The following FRYL variants were observed in gnomAD, a reference collection of about 807,000 sequenced individuals.
FRYL encodes the protein protein furry homolog-like.
A neutral mutation model predicts 351.2 loss-of-function variants in FRYL; 150 were observed. The ratio of observed to expected loss-of-function variants is 0.43; its 90% CI spans 0.37 to 0.49. FRYL has a LOEUF of 0.49. Ranked by LOEUF, FRYL falls within the 20% of genes least tolerant of loss-of-function variation. FRYL has a pLI of 0.00. For missense variants in FRYL, 3,036 were observed against 3,619.3 expected, an observed-to-expected ratio of 0.84 and a Z score of 4.13; for synonymous variants, 1,153 against 1,257.1, an observed-to-expected ratio of 0.92 and a Z score of 1.75.
chr4:48,684,319 A>C (rs913444678), intron 3 of FRYL, among the ~76,000 whole-genome samples: 4 of 152,218 alleles, frequency 2.6e-5, no homozygotes, highest in African/African-American at 9.7e-5. Context: ...TTAAGCCTGC[A>C]CTGCAGTTCA....
intron 12 of FRYL, among the ~76,000 whole-genome samples, chr4:48,602,395 T>C (rs1290657246): frequency 6.6e-6 from 1 of 152,154 alleles, no homozygotes; most frequent in African/African-American, 2.4e-5. Flanking sequence ...ATCCATTTTG[T>C]GGTTATGACT....
chr4:48,704,852 G>A (rs192067240), intron 2 of FRYL, among the ~76,000 whole-genome samples: 71 of 152,230 alleles, frequency 4.7e-4, no homozygotes, highest in African/African-American at 1.5e-3. Context: ...AGGAGGCTGA[G>A]GCAGGAGAAT....
chr4:48,583,297 G>A lies in FRYL; in HGVS notation c.1749-563C>T, dbSNP rs181362982. Reference sequence around the variant, plus strand: ...CTCCCAAGTAGCTGGGAATGCAGGTGCCCGCCACCACACCCAGCTAATTTT... The same window carrying A: ...CTCCCAAGTAGCTGGGAATGCAGGTACCCGCCACCACACCCAGCTAATTTT... On this transcript the variant is annotated intron_variant, in intron 19 of 63. Coordinates refer to ENST00000358350, the MANE Select transcript of FRYL (RefSeq NM_015030.2). Among the ~76,000 whole-genome samples the A allele has an allele frequency of 9.5e-4, 145 of 152,054 alleles. 1 individual carries two copies. In the Middle Eastern group the frequency reaches 0.017, roughly 18 times the overall value.
At chr4:48,685,650 A>G (rs1247200826) in intron 2 of FRYL, among the ~76,000 whole-genome samples, 1 of 152,200 alleles carries the variant, frequency 6.6e-6, no homozygotes, top group Non-Finnish European at 1.5e-5. Context: ...CATATCTGTA[A>G]TACTTGGATG....
chr4:48,728,154 G>T (rs1353453121), intron 1 of FRYL, among the ~76,000 whole-genome samples: 4 of 152,190 alleles, frequency 2.6e-5, no homozygotes, highest in African/African-American at 9.6e-5. Context: ...GACAGAGCAA[G>T]CATCGGAACA....
intron 61 of FRYL, among the ~76,000 whole-genome samples, chr4:48,502,268 C>T (rs926521451): frequency 1.2e-4 from 19 of 152,146 alleles, no homozygotes; most frequent in Admixed American, 6.5e-5. Context: ...GGGCCGAGCA[C>T]GGTGGCTCAC....
In FRYL at chr4:48,499,344, C is replaced by A; in HGVS notation, c.*78G>T. On this transcript the variant is annotated 3_prime_UTR_variant, in exon 64 of 64. Transcript: ENST00000358350. ...GCTGCCAGAAAGTTATCAGTGAATG[C>A]AAGGGTCCATAAAAGGTGCTTGGTT... 2 of 1,272,632 alleles carry A rather than the reference C, an allele frequency of 1.6e-6. No individual in the cohort carries two copies. Among genetic ancestry groups the A allele is most frequent in the Non-Finnish European group, 2.3e-6 (2 of 887,830 alleles). 78.8% of individuals were successfully genotyped at this position (1,272,632 alleles called of 1,614,324 possible). A position where few individuals can be genotyped will look rare whatever the true frequency, so the allele number is the denominator to read the frequency against.
chr4:48,520,898 G>C lies in FRYL; in HGVS notation c.7689+150C>G, dbSNP rs1169068601. 7.6e-6 allele frequency: 4 copies of C among 529,346 alleles called. No individual in the cohort carries two copies. In the Admixed American group the frequency reaches 1.5e-4, roughly 19 times the overall value. The allele number at this position is 529,346 out of a possible 1,614,324, so 32.8% of individuals were successfully genotyped here. On this transcript the variant is annotated intron_variant, in intron 55 of 63. Transcript: ENST00000358350. ...AATCTACCAACTTAAGAAAAAATCA[G>C]ATTTGACTATTTCATTTAAAATAAC... is the stretch of plus-strand genomic sequence containing the variant.
intron 16 of FRYL, among the ~76,000 whole-genome samples, chr4:48,591,090 C>T (rs1743147866): frequency 6.6e-6 from 1 of 152,076 alleles, no homozygotes; most frequent in Admixed American, 6.5e-5. Flanking sequence ...CAATCCTCTT[C>T]CTCAACTCTC....
chr4:48,676,320 A>G (rs1265968738), intron 3 of FRYL, among the ~76,000 whole-genome samples: 1 of 152,186 alleles, frequency 6.6e-6, no homozygotes, highest in Non-Finnish European at 1.5e-5. Context: ...TTCACTCCTG[A>G]GCCAGTGAGA....
intron 1 of FRYL, chr4:48,727,281 C>T (rs1770182950): frequency 6.6e-6 from 1 of 152,002 alleles, no homozygotes; most frequent in Non-Finnish European, 1.5e-5. Context: ...GTCATCACTC[C>T]AAAATAAGTA....
At chr4:48,718,339 A>C (rs1162848718) in intron 1 of FRYL, among the ~76,000 whole-genome samples, 1 of 151,642 alleles carries the variant, frequency 6.6e-6, no homozygotes, top group African/African-American at 2.4e-5. Flanking sequence ...GCTATACATC[A>C]AAAGACTGGT....
chr4:48,754,753 C>T (rs542889701), intron 1 of FRYL, among the ~76,000 whole-genome samples: 4 of 151,424 alleles, frequency 2.6e-5, no homozygotes, highest in East Asian at 1.9e-4. Flanking sequence ...CTGCAGCCTC[C>T]GCCTCAGCCT....
intron 61 of FRYL, 21 bp downstream of exon 61, chr4:48,502,807 A>C: frequency 6.2e-7 from 1 of 1,601,612 alleles, no homozygotes; most frequent in Non-Finnish European, 8.5e-7. Flanking sequence ...AGTAGTCTAT[A>C]AATCAAGACA....
chr4:48,561,405 T>C, intron 33 of FRYL, 63 bp downstream of exon 33: 1 of 1,101,734 alleles, frequency 9.1e-7, no homozygotes, highest in Non-Finnish European at 1.2e-6. Context: ...TATAATTTTC[T>C]AAAAATTGTT....
chr4:48,740,692 A>C (rs907133071), intron 1 of FRYL, among the ~76,000 whole-genome samples: 3 of 152,158 alleles, frequency 2.0e-5, no homozygotes, highest in Non-Finnish European at 4.4e-5. Flanking sequence ...ACTATCAGGG[A>C]AATGCAAATT....
intron 45 of FRYL, among the ~76,000 whole-genome samples, chr4:48,541,545 C>A (rs1334105882): frequency 6.6e-6 from 1 of 152,094 alleles, no homozygotes; most frequent in Non-Finnish European, 1.5e-5. Context: ...ATGAAAAAAT[C>A]ACTATGAGAA....
intron 2 of FRYL, 109 bp from the exon 3 acceptor site, chr4:48,684,904 T>C (rs1198099558): frequency 2.6e-5 from 4 of 152,240 alleles, no homozygotes; most frequent in African/African-American, 9.6e-5. Flanking sequence ...CAGTGTCACC[T>C]AGTGCTGCAG....
At position 48,510,949 on chromosome 4, in the gene FRYL, C is replaced by T. The variant is rs769705409; in HGVS notation, c.8181G>A (p.Glu2727=). The change falls in exon 58 of 64, where the codon GAG becomes GAA. Residue 2727 remains glutamate (E), a synonymous_variant. Coordinates refer to ENST00000358350, the MANE Select transcript of FRYL (RefSeq NM_015030.2). The part of the protein sequence containing the change: ...IQRKFGEITN[E]AVSFLGDSLQ... ...GACTATCACCAAGAAAGCTGACTGCCTCATTAGTTATTTCTCCAAACTTTC... is the reference window on the plus strand; with the variant it reads ...GACTATCACCAAGAAAGCTGACTGCTTCATTAGTTATTTCTCCAAACTTTC... 1 of 1,612,394 alleles carries T rather than the reference C, an allele frequency of 6.2e-7. No homozygotes were observed. Among genetic ancestry groups the T allele is most frequent in the South Asian group, 1.1e-5 (1 of 90,754 alleles).
Sources: allele counts gnomAD v4.1 joint callset (sites outside exome capture counted in the v4.1 genomes callset), GRCh38; gene constraint gnomAD v4.1.1; transcripts MANE v1.5; gene names NCBI Gene and HGNC (gene_info 2026-07-23, HGNC 2026-07-21).